Variants in RCAN2 observed in about 807,000 individuals in gnomAD.
RCAN2 encodes the protein regulator of calcineurin 2.
Under a neutral mutation model 23.6 loss-of-function variants are expected in RCAN2, and 9 were observed. That is an observed-to-expected ratio of 0.38 (90% confidence interval 0.23 to 0.67). RCAN2 has a LOEUF of 0.67. Among genes scored for constraint, RCAN2 ranks in the 30% least tolerant of loss-of-function variants. RCAN2 has a pLI of 0.51. For missense variants in RCAN2, 273 were observed against 302.3 expected (o/e 0.90, Z 0.72); for synonymous variants, 109 against 115.7 (o/e 0.94, Z 0.37).
At chr6:46,389,520 AC>A (rs1054183115) in intron 2 of RCAN2, among the ~76,000 whole-genome samples, 2 of 152,174 alleles carry the variant, frequency 1.3e-5, no homozygotes, top group Admixed American at 1.3e-4. Flanking sequence ...CAGCCTCCGC[AC>A]TTGCCTATCA....
At chr6:46,413,210 T>C (rs898247006) in intron 2 of RCAN2, among the ~76,000 whole-genome samples, 1 of 152,220 alleles carries the variant, frequency 6.6e-6, no homozygotes, top group African/African-American at 2.4e-5. Flanking sequence ...GGGGCAGCAT[T>C]TGAAACCAGA....
intron 2 of RCAN2, among the ~76,000 whole-genome samples, chr6:46,378,065 A>G (rs923532199): frequency 2.0e-5 from 3 of 152,244 alleles, no homozygotes; most frequent in African/African-American, 7.2e-5. Context: ...AGTAGGCACT[A>G]ACTAAATATT....
At chr6:46,316,690 C>A (rs926876188) in intron 2 of RCAN2, among the ~76,000 whole-genome samples, 1 of 152,180 alleles carries the variant, frequency 6.6e-6, no homozygotes, top group Non-Finnish European at 1.5e-5. Flanking sequence ...AATAAAAGTG[C>A]TTTCTATAGT....
chr6:46,370,929 A>G (rs187925119), intron 2 of RCAN2, among the ~76,000 whole-genome samples: 397 of 152,148 alleles, frequency 2.6e-3, no homozygotes, highest in African/African-American at 9.0e-3. Flanking sequence ...TTCTTCCTCA[A>G]TTTACACTAT....
chr6:46,464,499 T>C (rs1714583988), intron 1 of RCAN2, among the ~76,000 whole-genome samples: 1 of 152,172 alleles, frequency 6.6e-6, no homozygotes, highest in South Asian at 2.1e-4. Context: ...CTTTTGCTCA[T>C]TTTTGTCCAT....
Position 46,333,086 on chromosome 6 carries a change from T to A in RCAN2, c.226-84190A>T, listed in dbSNP as rs866829335. Among the ~76,000 whole-genome samples, 51 of 152,340 alleles carry A rather than the reference T, an allele frequency of 3.3e-4. 1 individual carries two copies. The highest frequency in any genetic ancestry group is 1.7e-3 in the Admixed American group (26 of 15,296). Reference sequence around the variant, plus strand: ...GATGATGAGCATTTTTTCATGTGTTTTTTGGCTGCCTAAATGTCTTCTTTT... The same window carrying A: ...GATGATGAGCATTTTTTCATGTGTTATTTGGCTGCCTAAATGTCTTCTTTT... On this transcript the variant is annotated intron_variant, in intron 2 of 4. Transcript: ENST00000371374.
chr6:46,292,899 G>A (rs1762613857), intron 2 of RCAN2, among the ~76,000 whole-genome samples: 1 of 152,038 alleles, frequency 6.6e-6, no homozygotes, highest in South Asian at 2.1e-4. Flanking sequence ...ACAGGCCTTG[G>A]TGTGTGATGT....
chr6:46,339,374 G>T (rs191956852), intron 2 of RCAN2, among the ~76,000 whole-genome samples: 1 of 151,964 alleles, frequency 6.6e-6, no homozygotes, highest in Non-Finnish European at 1.5e-5. Context: ...GCCACATTTC[G>T]CTGGATTTTG....
chr6:46,332,693 T>C (rs1220141258), intron 2 of RCAN2, among the ~76,000 whole-genome samples: 1 of 152,184 alleles, frequency 6.6e-6, no homozygotes, highest in Non-Finnish European at 1.5e-5. Flanking sequence ...CACATTTCCT[T>C]AATCCAGTCT....
At chr6:46,471,437 G>T (rs191100590) in intron 1 of RCAN2, among the ~76,000 whole-genome samples, 41 of 152,276 alleles carry the variant, frequency 2.7e-4, no homozygotes, top group Non-Finnish European at 7.3e-5. Context: ...TGTACACGTG[G>T]TATTTGCTGA....
At chr6:46,480,787 G>A (rs1190031755) in intron 1 of RCAN2, among the ~76,000 whole-genome samples, 3 of 152,060 alleles carry the variant, frequency 2.0e-5, no homozygotes, top group African/African-American at 2.4e-5. Flanking sequence ...CACCACACCC[G>A]GCTAATTTTT....
intron 2 of RCAN2, among the ~76,000 whole-genome samples, chr6:46,266,982 T>G (rs997445285): frequency 6.6e-6 from 1 of 152,130 alleles, no homozygotes; most frequent in African/African-American, 2.4e-5. Flanking sequence ...TATGACCTTG[T>G]AAATGATGCA....
At chr6:46,321,984 T>C (rs1442219) in intron 2 of RCAN2, among the ~76,000 whole-genome samples, 2,057 of 152,298 alleles carry the variant, frequency 0.014, 55 homozygotes, top group African/African-American at 0.045. Flanking sequence ...TATGATTACC[T>C]ATGCCTGGGC....
At chr6:46,223,481 C>A (rs1169626375) in intron 4 of RCAN2, among the ~76,000 whole-genome samples, 180 bp from the exon 5 acceptor site, 2 of 152,130 alleles carry the variant, frequency 1.3e-5, no homozygotes, top group East Asian at 3.8e-4. Flanking sequence ...CCTATCCTGG[C>A]TCTGCCACTT....
chr6:46,317,760 C>T (rs1268840830), intron 2 of RCAN2, among the ~76,000 whole-genome samples: 1 of 152,182 alleles, frequency 6.6e-6, no homozygotes, highest in East Asian at 1.9e-4. Flanking sequence ...GCACCGCGCC[C>T]GGCCTATACC....
intron 2 of RCAN2, among the ~76,000 whole-genome samples, chr6:46,451,863 T>C (rs1354009405): frequency 6.6e-6 from 1 of 152,196 alleles, no homozygotes; most frequent in Non-Finnish European, 1.5e-5. Flanking sequence ...TAGTAGAATA[T>C]ACTCTTTAAT....
intron 2 of RCAN2, among the ~76,000 whole-genome samples, chr6:46,411,892 A>G (rs1766561639): frequency 6.6e-6 from 1 of 152,190 alleles, no homozygotes; most frequent in South Asian, 2.1e-4. Context: ...ATCAGAGTAC[A>G]GTTTGAATTT....
intron 1 of RCAN2, among the ~76,000 whole-genome samples, chr6:46,489,919 C>T (rs547883527): frequency 4.3e-4 from 65 of 152,210 alleles, no homozygotes; most frequent in Non-Finnish European, 7.3e-4. Context: ...AATGACTACA[C>T]TGAAAAGCAG....
At chr6:46,364,590 G>T (rs1253674143) in intron 2 of RCAN2, among the ~76,000 whole-genome samples, 1 of 152,154 alleles carries the variant, frequency 6.6e-6, no homozygotes, top group Non-Finnish European at 1.5e-5. Flanking sequence ...CTTGGCCTGA[G>T]ACCCTAGGGG....
Sources: gnomAD v4.1 joint callset for allele counts (sites outside exome capture counted in the v4.1 genomes callset) on GRCh38, gnomAD v4.1.1 for gene constraint, MANE v1.5 for transcripts, NCBI Gene and HGNC (gene_info 2026-07-23, HGNC 2026-07-21) for gene names.